The following SLC25A21 variants were observed in gnomAD, a reference collection of about 807,000 sequenced individuals.
SLC25A21 encodes solute carrier family 25 member 21, also known as mitochondrial 2-oxodicarboxylate carrier.
SLC25A21 carries 47 observed loss-of-function variants against 43.8 expected under a neutral mutation model. That is an observed-to-expected ratio of 1.07 (90% confidence interval 0.85 to 1.37). The LOEUF (loss-of-function observed/expected upper bound fraction) is 1.37. Among genes scored for constraint, SLC25A21 ranks in the 40% most tolerant of loss-of-function variants. The pLI is 0.00. For missense variants in SLC25A21, 352 were observed against 350.2 expected (o/e 1.00, Z -0.04); for synonymous variants, 131 against 121.3 (o/e 1.08, Z -0.52).
intron 1 of SLC25A21, among the ~76,000 whole-genome samples, chr14:36,903,614 G>C (rs201150939): frequency 5.9e-5 from 3 of 50,434 alleles, no homozygotes; most frequent in African/African-American, 2.7e-4. Flanking sequence ...CTCCGTCTCA[G>C]AAAAAAAAAA....
chr14:36,768,961 C>CTATCTA (rs547092027), intron 3 of SLC25A21, among the ~76,000 whole-genome samples: 10 of 149,930 alleles, frequency 6.7e-5, no homozygotes, highest in East Asian at 2.0e-4. Flanking sequence ...AAACCTATAT[C>CTATCTA]TATCTATATC....
chr14:36,893,089 G>T (rs937556380), intron 1 of SLC25A21, among the ~76,000 whole-genome samples: 2 of 152,160 alleles, frequency 1.3e-5, no homozygotes, highest in African/African-American at 2.4e-5. Context: ...GGGTCAAATG[G>T]TATTTCTAGT....
intron 2 of SLC25A21, among the ~76,000 whole-genome samples, chr14:36,868,711 C>T (rs1370573157): frequency 6.6e-6 from 1 of 152,152 alleles, no homozygotes; most frequent in Admixed American, 6.5e-5. Flanking sequence ...ATGTCAGTCC[C>T]CATTCTGCTT....
At chr14:36,687,787 G>A (rs1882620068) in intron 7 of SLC25A21, among the ~76,000 whole-genome samples, 1 of 152,110 alleles carries the variant, frequency 6.6e-6, no homozygotes, top group Non-Finnish European at 1.5e-5. Context: ...CCACCTCTCT[G>A]GCTTTAGATC....
intron 1 of SLC25A21, among the ~76,000 whole-genome samples, chr14:36,963,911 T>C (rs1290722499): frequency 1.3e-5 from 2 of 152,178 alleles, no homozygotes; most frequent in Non-Finnish European, 2.9e-5. Context: ...GCTTTCACAG[T>C]TCCACGATAT....
intron 1 of SLC25A21, among the ~76,000 whole-genome samples, chr14:36,987,901 T>C (rs1217686709): frequency 6.6e-6 from 1 of 152,208 alleles, no homozygotes; most frequent in Admixed American, 6.5e-5. Context: ...CATGGTTCTT[T>C]CATATGGGCT....
chr14:36,958,271 G>C (rs145948926), intron 1 of SLC25A21, among the ~76,000 whole-genome samples: 1 of 152,066 alleles, frequency 6.6e-6, no homozygotes, highest in African/African-American at 2.4e-5. Flanking sequence ...GCCCTCCTAA[G>C]ACAGACAAGA....
At chr14:36,792,918 C>T (rs1259406973) in intron 3 of SLC25A21, among the ~76,000 whole-genome samples, 2 of 152,148 alleles carry the variant, frequency 1.3e-5, no homozygotes, top group African/African-American at 4.8e-5. Flanking sequence ...CTACCACATG[C>T]TATACCCCAC....
chr14:37,011,257 A>C (rs1566813313), intron 1 of SLC25A21, among the ~76,000 whole-genome samples: 1 of 152,094 alleles, frequency 6.6e-6, no homozygotes, highest in Non-Finnish European at 1.5e-5. Flanking sequence ...TCCTGCCCTC[A>C]AGAGATCCTC....
At chr14:36,931,368 T>C (rs1036652037) in intron 1 of SLC25A21, among the ~76,000 whole-genome samples, 2 of 152,004 alleles carry the variant, frequency 1.3e-5, no homozygotes, top group South Asian at 4.2e-4. Flanking sequence ...CACCAGGTGG[T>C]ATGAAGGGTT....
At chr14:36,682,887 T>C (rs1882345370) in intron 9 of SLC25A21, among the ~76,000 whole-genome samples, 2 of 152,200 alleles carry the variant, frequency 1.3e-5, no homozygotes, top group South Asian at 4.1e-4. Flanking sequence ...ATTTACAGAC[T>C]CTTGTTCTCT....
chr14:36,940,340 G>T lies in SLC25A21; in HGVS notation c.71-65336C>A, dbSNP rs561934430. ...AATATTTTAATAAAATTTTCTCTAA[G>T]ATTTAAAAAAATATACTACTCTGAA... On this transcript the variant is annotated intron_variant, in intron 1 of 9. Coordinates refer to ENST00000331299, the MANE Select transcript of SLC25A21 (RefSeq NM_030631.4). Among the ~76,000 whole-genome samples the T allele has an allele frequency of 7.3e-5, 11 of 151,698 alleles. No homozygotes were observed. In the South Asian group the frequency reaches 2.3e-3, roughly 32 times the overall value.
chr14:36,681,619 A>AAAT (rs1882263918), intron 9 of SLC25A21, among the ~76,000 whole-genome samples: 1 of 151,962 alleles, frequency 6.6e-6, no homozygotes, highest in African/African-American at 2.4e-5. Flanking sequence ...AAATTTGGAC[A>AAAT]AATATCCTGA....
intron 1 of SLC25A21, among the ~76,000 whole-genome samples, chr14:36,941,303 T>G (rs765523961): frequency 1.3e-5 from 2 of 152,148 alleles, no homozygotes; most frequent in Non-Finnish European, 2.9e-5. Context: ...GTCAACATTT[T>G]GTGGCTTCCA....
At chr14:36,908,837 T>G (rs1445401307) in intron 1 of SLC25A21, among the ~76,000 whole-genome samples, 2 of 152,026 alleles carry the variant, frequency 1.3e-5, no homozygotes, top group African/African-American at 4.8e-5. Context: ...AGCATTAAAT[T>G]TACCCCCAAG....
At chr14:36,920,783 T>C (rs1220440880) in intron 1 of SLC25A21, among the ~76,000 whole-genome samples, 1 of 151,948 alleles carries the variant, frequency 6.6e-6, no homozygotes, top group East Asian at 1.9e-4. Context: ...ATCCAGACAC[T>C]CAACAAATAA....
intron 1 of SLC25A21, among the ~76,000 whole-genome samples, chr14:36,957,377 G>A (rs1389632568): frequency 6.6e-6 from 1 of 152,212 alleles, no homozygotes; most frequent in Non-Finnish European, 1.5e-5. Flanking sequence ...GAATGCAGCT[G>A]GAACCCTGAG....
chr14:36,979,316 A>C (rs1436898314), intron 1 of SLC25A21, among the ~76,000 whole-genome samples: 1 of 139,774 alleles, frequency 7.2e-6, no homozygotes, highest in Non-Finnish European at 1.5e-5. Flanking sequence ...TAACCAATTA[A>C]GGTAGTGTTT....
chr14:37,031,839 G>A (rs948160693), intron 1 of SLC25A21, among the ~76,000 whole-genome samples: 1 of 152,218 alleles, frequency 6.6e-6, no homozygotes, highest in Non-Finnish European at 1.5e-5. Context: ...AACTGGTTGG[G>A]AGATGAGCCC....
Sources: gnomAD v4.1 joint callset for allele counts (sites outside exome capture counted in the v4.1 genomes callset) on GRCh38, gnomAD v4.1.1 for gene constraint, MANE v1.5 for transcripts, NCBI Gene and HGNC (gene_info 2026-07-23, HGNC 2026-07-21) for gene names.